Variants in FAM91A1 observed in about 807,000 individuals in gnomAD.
The protein encoded by FAM91A1 is family with sequence similarity 91 member A1, also known as protein FAM91A1.
FAM91A1 carries 41 observed loss-of-function variants against 113.5 expected under a neutral mutation model. That is an observed-to-expected ratio of 0.36 (90% CI 0.28 to 0.47). The LOEUF is 0.47. FAM91A1 is among the 20% of genes least tolerant of loss of function. The pLI is 1.00. For synonymous variants in FAM91A1, 307 were observed against 347.9 expected (o/e 0.88, Z 1.31); for missense variants, 696 against 1,001.2 (o/e 0.70, Z 4.11).
intron 3 of FAM91A1, among the ~76,000 whole-genome samples, chr8:123,776,847 C>G (rs183308489): frequency 4.6e-5 from 7 of 152,184 alleles, no homozygotes; most frequent in African/African-American, 1.4e-4. Context: ...TCAAAGGCCA[C>G]TAAGTGGTTG....
intron 6 of FAM91A1, among the ~76,000 whole-genome samples, chr8:123,779,100 G>T (rs1815057789): frequency 6.6e-6 from 1 of 152,170 alleles, no homozygotes. Flanking sequence ...TGTGCTAGAT[G>T]TGCCAAGCTC....
rs1279157609 is a variant in FAM91A1, at chr8:123,814,547, A to G, written c.*1843A>G. 10 of 158,714 alleles carry G rather than the reference A, an allele frequency of 6.3e-5. No individual in the cohort carries two copies. Among genetic ancestry groups the G allele is most frequent in the African/African-American group, 2.4e-5 (1 of 41,500 alleles). 9.8% of individuals were successfully genotyped at this position (158,714 alleles called of 1,614,324 possible). A position where few individuals can be genotyped will look rare whatever the true frequency, so the allele number is the denominator to read the frequency against. The stretch of plus-strand genomic sequence containing the variant: ...TAAAATATGGGAATGATTTGCTGCT[A>G]TATTTCCTTTGAGAGAGAAAGGAGG... On this transcript the variant is annotated 3_prime_UTR_variant, in exon 24 of 24. Coordinates refer to ENST00000334705, the MANE Select transcript of FAM91A1 (RefSeq NM_144963.4).
intron 8 of FAM91A1, among the ~76,000 whole-genome samples, chr8:123,782,856 G>C (rs1021713511): frequency 5.3e-5 from 8 of 152,030 alleles, no homozygotes; most frequent in African/African-American, 1.9e-4. Flanking sequence ...ATAGTGCCTT[G>C]GTTTCTTTAT....
At position 123,768,652 on chromosome 8, in the gene FAM91A1, G is replaced by A. The variant is rs747380687; in HGVS notation, c.-51G>A. Reference sequence around the variant, plus strand: ...GGCTGCGGGCGGGCAGGCGGGAGGCGTAGTGTGGGTCGCGGTGGCGGCCCC... The same window carrying A: ...GGCTGCGGGCGGGCAGGCGGGAGGCATAGTGTGGGTCGCGGTGGCGGCCCC... On this transcript the variant is annotated 5_prime_UTR_variant, in exon 1 of 24. Transcript: ENST00000334705. 20 of 1,502,614 alleles carry A rather than the reference G, an allele frequency of 1.3e-5. No individual in the cohort carries two copies. In the African/African-American group the frequency reaches 2.7e-4, roughly 20 times the overall value. 93.1% of individuals were successfully genotyped at this position (1,502,614 alleles called of 1,614,324 possible).
At position 123,802,021 on chromosome 8, in the gene FAM91A1, C is replaced by G. The variant is rs1218179489; in HGVS notation, c.1809+2136C>G. On this transcript the variant is annotated intron_variant, in intron 18 of 23. Transcript: ENST00000334705. Reference sequence around the variant, plus strand: ...AGTCTGGAGAAGTAGGCTGGCCCTGCAGTGCCGCCTGCCTTGAGTGTCCTG... The same window carrying G: ...AGTCTGGAGAAGTAGGCTGGCCCTGGAGTGCCGCCTGCCTTGAGTGTCCTG... Among the ~76,000 whole-genome samples the G allele has an allele frequency of 2.0e-5, 3 of 152,084 alleles. No individual in the cohort carries two copies. The East Asian group carries it at 5.8e-4, about 29-fold the overall frequency.
chr8:123,778,588 A>G (rs1051148936), intron 5 of FAM91A1, 71 bp from the exon 6 acceptor site: 18 of 1,039,092 alleles, frequency 1.7e-5, no homozygotes, highest in African/African-American at 1.6e-5. Flanking sequence ...AAACAATCTT[A>G]TGATATGATT....
chr8:123,784,130 A>G (rs926804708), intron 8 of FAM91A1, among the ~76,000 whole-genome samples: 3 of 152,222 alleles, frequency 2.0e-5, no homozygotes, highest in Non-Finnish European at 2.9e-5. Context: ...AAACACATGT[A>G]TCAGAAACCC....
chr8:123,782,881 G>T (rs1269230192), intron 8 of FAM91A1, among the ~76,000 whole-genome samples: 2 of 151,980 alleles, frequency 1.3e-5, no homozygotes, highest in African/African-American at 2.4e-5. Context: ...CAAAATAGGG[G>T]GTAACTGGCC....
rs919511976 is a variant in FAM91A1, at chr8:123,788,521, G to T, written c.1278+771G>T. 2.0e-5 allele frequency among the ~76,000 whole-genome samples: 3 copies of T among 151,320 alleles called. No individual in the cohort carries two copies. The South Asian group carries it at 6.2e-4, about 31-fold the overall frequency. On this transcript the variant is annotated intron_variant, in intron 14 of 23. Coordinates refer to ENST00000334705, the MANE Select transcript of FAM91A1 (RefSeq NM_144963.4). The stretch of plus-strand genomic sequence containing the variant: ...ATTTTTCACTGCTCCTACTCCATAG[G>T]ATTTTTACTTTTATTAGTGCAGAAA...
At chr8:123,781,024 G>T (rs1271676634) in intron 8 of FAM91A1, among the ~76,000 whole-genome samples, 1 of 152,048 alleles carries the variant, frequency 6.6e-6, no homozygotes, top group East Asian at 1.9e-4. Flanking sequence ...CTTTATGGAT[G>T]TATCAATTTA....
At chr8:123,775,417 A>T in intron 3 of FAM91A1, 119 bp downstream of exon 3, 1 of 1,251,920 alleles carries the variant, frequency 8.0e-7, no homozygotes. Context: ...TTCAGAACTT[A>T]TAGTGTAAAA....
At chr8:123,771,064 C>T (rs965392660) in intron 1 of FAM91A1, among the ~76,000 whole-genome samples, 2 of 152,218 alleles carry the variant, frequency 1.3e-5, no homozygotes, top group Non-Finnish European at 2.9e-5. Flanking sequence ...TACTGCTGGT[C>T]TCCTTTATAT....
At chr8:123,787,166 G>C (rs115885804) in intron 12 of FAM91A1, 95 bp from the exon 13 acceptor site, 2 of 926,944 alleles carry the variant, frequency 2.2e-6, no homozygotes, top group Non-Finnish European at 1.7e-6. Flanking sequence ...GTACTTTCTG[G>C]TTATCAAATA....
At chr8:123,790,604 A>G (rs2130104152) in intron 15 of FAM91A1, among the ~76,000 whole-genome samples, 1 of 152,278 alleles carries the variant, frequency 6.6e-6, no homozygotes, top group East Asian at 1.9e-4. Flanking sequence ...TTTCTTAATC[A>G]TCTCCATTTT....
chr8:123,779,712 T>G (rs1267340889), intron 6 of FAM91A1, among the ~76,000 whole-genome samples: 1 of 152,230 alleles, frequency 6.6e-6, no homozygotes, highest in Non-Finnish European at 1.5e-5. Context: ...TGGATCTAAT[T>G]CCAATTCAAT....
intron 5 of FAM91A1, 57 bp downstream of exon 5, chr8:123,778,149 T>G: frequency 7.8e-7 from 1 of 1,285,266 alleles, no homozygotes; most frequent in Non-Finnish European, 1.1e-6. Context: ...TTGATTAGTT[T>G]TTTTAAGTGG....
intron 23 of FAM91A1, chr8:123,811,302 T>C (rs1466476215): frequency 6.6e-6 from 1 of 152,186 alleles, no homozygotes; most frequent in African/African-American, 2.4e-5. Context: ...AGAGAACTAG[T>C]ATTTTACGTT....
chr8:123,804,745 CTCCATTGAAG>C (rs1324806027), intron 18 of FAM91A1, among the ~76,000 whole-genome samples: 3 of 152,130 alleles, frequency 2.0e-5, no homozygotes, highest in Non-Finnish European at 4.4e-5. Context: ...ATTTATGAAC[CTCCATTGAAG>C]ATATGTCTCC....
intron 12 of FAM91A1, 56 bp from the exon 13 acceptor site, chr8:123,787,205 A>G (rs957783242): frequency 1.5e-6 from 2 of 1,334,652 alleles, no homozygotes; most frequent in Admixed American, 3.6e-5. Flanking sequence ...TTCACTCCAA[A>G]TGGTAAGCAA....
Sources: allele counts gnomAD v4.1 joint callset (sites outside exome capture counted in the v4.1 genomes callset), GRCh38; gene constraint gnomAD v4.1.1; transcripts MANE v1.5; gene names NCBI Gene and HGNC (gene_info 2026-07-23, HGNC 2026-07-21).